PIEZO2: variants seen among roughly 807,000 people sequenced by gnomAD.
The protein encoded by PIEZO2 is piezo type mechanosensitive ion channel component 2, also known as piezo-type mechanosensitive ion channel component 2.
Under a neutral mutation model 337.3 loss-of-function variants are expected in PIEZO2, and 172 were observed. The ratio of observed to expected loss-of-function variants is 0.51; its 90% CI spans 0.45 to 0.58. The LOEUF is 0.58. Among genes scored for constraint, PIEZO2 ranks in the 20% least tolerant of loss-of-function variants. The pLI is 0.00. For missense variants in PIEZO2, 3,028 were observed against 3,391.3 expected, an observed-to-expected ratio of 0.89 and a Z score of 2.66; for synonymous variants, 1,251 against 1,228.5, an observed-to-expected ratio of 1.02 and a Z score of -0.38.
chr18:11,084,236 C>A (rs992673803), intron 1 of PIEZO2, among the ~76,000 whole-genome samples: 26 of 150,406 alleles, frequency 1.7e-4, no homozygotes, highest in African/African-American at 5.6e-4. Flanking sequence ...AGGAAAGGGA[C>A]CCTACTTATT....
chr18:10,776,711 C>T (rs1289793898), intron 18 of PIEZO2, among the ~76,000 whole-genome samples: 2 of 152,142 alleles, frequency 1.3e-5, no homozygotes, highest in African/African-American at 2.4e-5. Context: ...GGTGGTTCTG[C>T]ACAAATGCAA....
chr18:10,721,757 T>C (rs2036320378), intron 36 of PIEZO2, among the ~76,000 whole-genome samples: 1 of 151,936 alleles, frequency 6.6e-6, no homozygotes, highest in Admixed American at 6.6e-5. Context: ...AAATGAGGCA[T>C]TTAAATCCAG....
intron 3 of PIEZO2, among the ~76,000 whole-genome samples, chr18:10,926,790 G>C (rs1183951714): frequency 6.6e-6 from 1 of 152,130 alleles, no homozygotes; most frequent in Admixed American, 6.5e-5. Context: ...GCTGGAGCAA[G>C]ATTAAAGGCG....
At chr18:10,986,879 A>G (rs1390339687) in intron 2 of PIEZO2, among the ~76,000 whole-genome samples, 1 of 152,216 alleles carries the variant, frequency 6.6e-6, no homozygotes, top group African/African-American at 2.4e-5. Context: ...GCAATTAACG[A>G]AATCAATGTA....
rs1038126914 is a variant in PIEZO2, at chr18:11,069,543, A to G, written c.65-3321T>C. 6.6e-6 allele frequency among the ~76,000 whole-genome samples: 1 copy of G among 152,260 alleles called. No individual in the cohort carries two copies. Among genetic ancestry groups the G allele is most frequent in the Non-Finnish European group, 1.5e-5 (1 of 68,040 alleles). On this transcript the variant is annotated intron_variant, in intron 1 of 55. Transcript: ENST00000674853. The surrounding 1 kb of genome is among the most constrained non-coding windows in gnomAD (Gnocchi z 4.9). ...AATGGACTTCAACACAATAAAGGCC[A>G]TATGTAACACACACACAGCTAATAT...
chr18:10,695,663 A>G (rs1331431024), intron 47 of PIEZO2, among the ~76,000 whole-genome samples: 10 of 151,832 alleles, frequency 6.6e-5, no homozygotes, highest in African/African-American at 2.4e-4. Flanking sequence ...AGCATCCTCC[A>G]TTTGTTCATC....
At chr18:10,998,331 T>A (rs1316343259) in intron 2 of PIEZO2, among the ~76,000 whole-genome samples, 1 of 144,070 alleles carries the variant, frequency 6.9e-6, no homozygotes, top group Non-Finnish European at 1.5e-5. Flanking sequence ...TAAAAAGATA[T>A]TTGTTTACAC....
At position 10,674,660 on chromosome 18, in the gene PIEZO2, G is replaced by A. The variant is rs556413041; in HGVS notation, c.8161+549C>T. 5.9e-5 allele frequency among the ~76,000 whole-genome samples: 9 copies of A among 152,330 alleles called. No homozygotes were observed. In the South Asian group the frequency reaches 8.3e-4, roughly 14 times the overall value. On this transcript the variant is annotated intron_variant, in intron 54 of 55. Coordinates refer to ENST00000674853, the MANE Select transcript of PIEZO2 (RefSeq NM_001378183.1). ...TGCCAGATAACTGCACTGGTTTTCC[G>A]CGTTGTCCAGATCTATACATCTGCT...
intron 43 of PIEZO2, among the ~76,000 whole-genome samples, chr18:10,700,522 TTATTA>T (rs1156476172): frequency 2.0e-5 from 3 of 152,032 alleles, no homozygotes; most frequent in Non-Finnish European, 1.5e-5. Context: ...CACCAAGATT[TTATTA>T]TATGTTTTAA....
chr18:11,092,692 AAG>A lies in PIEZO2; in HGVS notation c.65-26472_65-26471del, dbSNP rs2039131215. Among the ~76,000 whole-genome samples, 1 of 152,190 alleles carries A rather than the reference AAG, an allele frequency of 6.6e-6. No individual in the cohort carries two copies. The highest frequency in any genetic ancestry group is 1.5e-5 in the Non-Finnish European group (1 of 68,044). ...TTGGATCCTGAAAAATGTGAACAAA[AAG>A]AGCTTTGTCAAACCAAGAAAGAGGG... On this transcript the variant is annotated intron_variant, in intron 1 of 55. Transcript: ENST00000674853. This position sits in a 1 kb window ranked among gnomAD's most constrained non-coding sequence, Gnocchi z 4.5.
At position 10,750,045 on chromosome 18, in the gene PIEZO2, C is replaced by T; in HGVS notation, c.4264+46G>A. 1.5e-6 allele frequency: 2 copies of T among 1,368,518 alleles called. No homozygotes were observed. The highest frequency in any genetic ancestry group is 2.0e-6 in the Non-Finnish European group (2 of 993,122). 84.8% of individuals were successfully genotyped at this position (1,368,518 alleles called of 1,614,324 possible). On this transcript the variant is annotated intron_variant, in intron 29 of 55. Coordinates refer to ENST00000674853, the MANE Select transcript of PIEZO2 (RefSeq NM_001378183.1). This position sits in a 1 kb window ranked among gnomAD's most constrained non-coding sequence, Gnocchi z 4.1. ...TTAAAACTAGAACAATACAACTATC[C>T]TCCCTCTTCTGCCTTTCTGCCTTCA...
rs2145617846 is a variant in PIEZO2, at chr18:11,003,233, T to C, written c.161-23573A>G. Among the ~76,000 whole-genome samples the C allele has an allele frequency of 6.6e-6, 1 of 152,222 alleles. No individual in the cohort carries two copies. The highest frequency in any genetic ancestry group is 2.4e-5 in the African/African-American group (1 of 41,470). The stretch of plus-strand genomic sequence containing the variant: ...CCATGTAAAACAGAAACCTCTGGTC[T>C]AGGATGTGTTTTCTTTTGTTGTTTG... On this transcript the variant is annotated intron_variant, in intron 2 of 55. Coordinates refer to ENST00000674853, the MANE Select transcript of PIEZO2 (RefSeq NM_001378183.1). This position sits in a 1 kb window ranked among gnomAD's most constrained non-coding sequence, Gnocchi z 4.6.
intron 7 of PIEZO2, among the ~76,000 whole-genome samples, chr18:10,829,622 C>T (rs909589220): frequency 6.6e-6 from 1 of 152,070 alleles, no homozygotes; most frequent in African/African-American, 2.4e-5. Context: ...TAAAAATCAA[C>T]ATACAAAAAT....
chr18:10,948,486 T>C (rs760115518), intron 3 of PIEZO2, among the ~76,000 whole-genome samples: 4 of 152,228 alleles, frequency 2.6e-5, no homozygotes, highest in African/African-American at 4.8e-5. Flanking sequence ...CTTAATTTGT[T>C]GCATTGATGA....
intron 2 of PIEZO2, among the ~76,000 whole-genome samples, chr18:11,004,266 G>A (rs1246996779): frequency 6.6e-6 from 1 of 152,188 alleles, no homozygotes; most frequent in Non-Finnish European, 1.5e-5. Flanking sequence ...GAACAGAAGA[G>A]AGAGGAATTA....
Position 11,032,726 on chromosome 18 carries a change from T to C in PIEZO2, c.160+33401A>G, listed in dbSNP as rs541618603. 1.3e-4 allele frequency among the ~76,000 whole-genome samples: 20 copies of C among 152,352 alleles called. No individual in the cohort carries two copies. In the South Asian group the frequency reaches 2.5e-3, roughly 19 times the overall value. On this transcript the variant is annotated intron_variant, in intron 2 of 55. Coordinates refer to ENST00000674853, the MANE Select transcript of PIEZO2 (RefSeq NM_001378183.1). This position sits in a 1 kb window ranked among gnomAD's most constrained non-coding sequence, Gnocchi z 4.9. ...CTCTATGCATGTGTGTGTGTGAATATGTGCACACATACAGATGTAGAGTTT... is the reference window on the plus strand; with the variant it reads ...CTCTATGCATGTGTGTGTGTGAATACGTGCACACATACAGATGTAGAGTTT...
chr18:11,041,755 A>C (rs1332863530), intron 2 of PIEZO2, among the ~76,000 whole-genome samples: 1 of 152,218 alleles, frequency 6.6e-6, no homozygotes. Flanking sequence ...ATGCTATACA[A>C]ATTTGGAAAA....
In PIEZO2 at chr18:11,001,605, TG is replaced by T. The variant is rs759084636; in HGVS notation, c.161-21946del. On this transcript the variant is annotated intron_variant, in intron 2 of 55. Transcript: ENST00000674853. This position sits in a 1 kb window ranked among gnomAD's most constrained non-coding sequence, Gnocchi z 5.3. ...CTAAAATCTTTTGTCAAGCAGGGTGTGGTGGCTCGTGCCTGTAATCTCAGCA... is the reference window on the plus strand; with the variant it reads ...CTAAAATCTTTTGTCAAGCAGGGTGTGTGGCTCGTGCCTGTAATCTCAGCA... 1.3e-5 allele frequency among the ~76,000 whole-genome samples: 2 copies of T among 152,046 alleles called. No homozygotes were observed. Among genetic ancestry groups the T allele is most frequent in the Non-Finnish European group, 2.9e-5 (2 of 67,994 alleles).
chr18:11,113,758 C>A lies in PIEZO2; in HGVS notation c.64+34767G>T, dbSNP rs527250163. Among the ~76,000 whole-genome samples, 3 of 152,304 alleles carry A rather than the reference C, an allele frequency of 2.0e-5. No homozygotes were observed. In the East Asian group the frequency reaches 5.8e-4, roughly 29 times the overall value. ...CCCCTTAGCACATTCTCTGTGACAACGCAGGCCTTCCTGGCCACCGCCCTC... is the reference window on the plus strand; with the variant it reads ...CCCCTTAGCACATTCTCTGTGACAAAGCAGGCCTTCCTGGCCACCGCCCTC... On this transcript the variant is annotated intron_variant, in intron 1 of 55. Coordinates refer to ENST00000674853, the MANE Select transcript of PIEZO2 (RefSeq NM_001378183.1).
Sources: allele counts gnomAD v4.1 joint callset (sites outside exome capture counted in the v4.1 genomes callset), GRCh38; gene constraint gnomAD v4.1.1; non-coding constraint Gnocchi (gnomAD v3.1); transcripts MANE v1.5; gene names NCBI Gene and HGNC (gene_info 2026-07-23, HGNC 2026-07-21).